The following ZEB2 variants were observed in gnomAD, a reference collection of about 807,000 sequenced individuals.
ZEB2 encodes zinc finger E-box binding homeobox 2, also known as zinc finger E-box-binding homeobox 2.
A neutral mutation model predicts 99.9 loss-of-function variants in ZEB2; 6 were observed. The observed-to-expected ratio is 0.06, with a 90% CI of 0.03 to 0.12. The LOEUF (loss-of-function observed/expected upper bound fraction) is 0.12, where lower values mean the gene tolerates loss of function less well. Ranked by LOEUF, ZEB2 falls within the 10% of genes least tolerant of loss-of-function variation. The pLI is 1.00. For missense variants in ZEB2, 969 were observed against 1,502.8 expected, an observed-to-expected ratio of 0.64 and a Z score of 5.87; for synonymous variants, 517 against 542.5, an observed-to-expected ratio of 0.95 and a Z score of 0.65.
Position 144,510,321 on chromosome 2 carries a change from C to A in ZEB2, c.73+6957G>T, listed in dbSNP as rs1226069231. On this transcript the variant is annotated intron_variant, in intron 2 of 9. Transcript: ENST00000627532. ...GTGAGGACCCGTCACTGAAACCAGA[C>A]CAGGGGCCCAGTCTCCAGCTCGCCC... Among the ~76,000 whole-genome samples the A allele has an allele frequency of 2.0e-5, 3 of 152,240 alleles. No individual in the cohort carries two copies. The East Asian group carries it at 5.8e-4, about 29-fold the overall frequency.
chr2:144,488,670 A>T (rs370718197), intron 2 of ZEB2, among the ~76,000 whole-genome samples: 18 of 148,130 alleles, frequency 1.2e-4, no homozygotes, highest in African/African-American at 4.0e-4. Flanking sequence ...CTCGTGTGTG[A>T]GTGTGTGTGT....
In ZEB2 at chr2:144,511,468, A is replaced by G. The variant is rs990465509; in HGVS notation, c.73+5810T>C. 1.5e-5 allele frequency: 19 copies of G among 1,270,224 alleles called. No homozygotes were observed. The African/African-American group carries it at 2.8e-4, about 19-fold the overall frequency. 78.7% of individuals were successfully genotyped at this position (1,270,224 alleles called of 1,614,324 possible). A position where few individuals can be genotyped will look rare whatever the true frequency, so the allele number is the denominator to read the frequency against. On this transcript the variant is annotated intron_variant, in intron 2 of 9. Coordinates refer to ENST00000627532, the MANE Select transcript of ZEB2 (RefSeq NM_014795.4). ...GATTTCACTCTGACATGACTGTCAC[A>G]CAAGATAAAAGTATTTGGCACATAG...
chr2:144,448,071 TAGGTATTATTATAATTATTAGC>T (rs551649935), intron 2 of ZEB2, among the ~76,000 whole-genome samples: 1 of 152,330 alleles, frequency 6.6e-6, no homozygotes, highest in South Asian at 2.1e-4. Context: ...TAATAAATGC[TAGGTATTATTATAATTATTAGC>T]CAAGTCTAGG....
intron 1 of ZEB2, chr2:144,517,891 G>A: frequency 4.4e-6 from 2 of 456,540 alleles, no homozygotes; most frequent in Non-Finnish European, 7.8e-6. Flanking sequence ...GCCCCTGGAT[G>A]AAGCACACTC....
chr2:144,455,213 C>T (rs1704105160), intron 2 of ZEB2: 1 of 152,186 alleles, frequency 6.6e-6, no homozygotes, highest in Admixed American at 6.5e-5. Flanking sequence ...CTAACCTCTG[C>T]ACTTGGATTG....
At chr2:144,465,915 C>T (rs1307864824) in intron 2 of ZEB2, among the ~76,000 whole-genome samples, 2 of 152,154 alleles carry the variant, frequency 1.3e-5, no homozygotes, top group Non-Finnish European at 1.5e-5. Flanking sequence ...GATAATTTCT[C>T]GCTCATCCTC....
At chr2:144,431,999 G>GAA (rs80124435) in intron 2 of ZEB2, among the ~76,000 whole-genome samples, 56 of 112,752 alleles carry the variant, frequency 5.0e-4, no homozygotes, top group African/African-American at 1.2e-3. Context: ...CTTTATCCTG[G>GAA]AAAAAAAAAA....
In ZEB2 at chr2:144,429,939, T is replaced by C. The variant is rs1280380229; in HGVS notation, c.161A>G (p.Asn54Ser). The change falls in exon 3 of 10, where the codon AAC becomes AGC. Residue 54 changes from asparagine to serine, a missense_variant. Transcript: ENST00000627532. The stretch of plus-strand genomic sequence containing the variant: ...TGGACTCGTCTCCTGGTCCAGAGGG[T>C]TGGCAATACCGTCATCCTCAGCAAT... ...LHIAEDDGIANPLDQETSPAS... is the reference protein window; with the variant it reads ...LHIAEDDGIASPLDQETSPAS... 3 of 1,613,802 alleles carry C rather than the reference T, an allele frequency of 1.9e-6. No individual in the cohort carries two copies. The highest frequency in any genetic ancestry group is 2.2e-5 in the East Asian group (1 of 44,844).
chr2:144,420,912 G>C (rs149559750), intron 4 of ZEB2, among the ~76,000 whole-genome samples: 1 of 152,164 alleles, frequency 6.6e-6, no homozygotes, highest in South Asian at 2.1e-4. Flanking sequence ...CGTCCTGTAG[G>C]TGCTAAGGGG....
Position 144,497,925 on chromosome 2 carries a change from A to G in ZEB2, c.73+19353T>C, listed in dbSNP as rs546257544. On this transcript the variant is annotated intron_variant, in intron 2 of 9. Transcript: ENST00000627532. ...TCTCAACATATATATTATATATTAT[A>G]TAATATATATTAATATTATATATTA... 5.4e-4 allele frequency among the ~76,000 whole-genome samples: 34 copies of G among 62,880 alleles called. 6 individuals are homozygous for G. Among genetic ancestry groups the G allele is most frequent in the African/African-American group, 2.4e-3 (33 of 13,810 alleles). The allele number at this position is 62,880 out of a possible 152,430, so 41.3% of individuals were successfully genotyped here.
intron 2 of ZEB2, 67 bp downstream of exon 2, chr2:144,517,211 C>G (rs1242366654): frequency 1.3e-6 from 2 of 1,599,726 alleles, no homozygotes; most frequent in Non-Finnish European, 1.7e-6. Context: ...TTCCCTTTCC[C>G]CCTCCTTCTC....
chr2:144,389,967 G>A lies in ZEB2; in HGVS notation c.3129C>T (p.Ile1043=), dbSNP rs757607208. 3 of 1,607,278 alleles carry A rather than the reference G, an allele frequency of 1.9e-6. No individual in the cohort carries two copies. The highest frequency in any genetic ancestry group is 2.5e-6 in the Non-Finnish European group (3 of 1,179,994). ...KKAFKHKHHL[I]EHSRLHSGEK... is the part of the protein sequence containing the mutation. ...CGCCCGAGTGAAGCCTTGAGTGCTC[G>A]ATAAGGTGGTGCTTGTGTTTAAACG... is the stretch of plus-strand genomic sequence containing the variant. Residue 1043 remains isoleucine (I), a synonymous_variant, in exon 10 of 10, where the codon ATC becomes ATT. Coordinates refer to ENST00000627532, the MANE Select transcript of ZEB2 (RefSeq NM_014795.4). The surrounding 1 kb of genome is among the most constrained non-coding windows in gnomAD (Gnocchi z 6.8).
intron 1 of ZEB2, 197 bp from the exon 2 acceptor site, chr2:144,517,616 T>C (rs533595036): frequency 3.7e-6 from 2 of 533,772 alleles, no homozygotes; most frequent in Middle Eastern, 7.9e-4. Context: ...TGTTACTGTT[T>C]GGTGTGTTGC....
intron 2 of ZEB2, among the ~76,000 whole-genome samples, chr2:144,468,910 C>T (rs1704312278): frequency 6.6e-6 from 1 of 152,096 alleles, no homozygotes; most frequent in Non-Finnish European, 1.5e-5. Context: ...CTTAGTTCCT[C>T]CTTGTACATA....
intron 2 of ZEB2, among the ~76,000 whole-genome samples, chr2:144,460,070 G>T (rs1322679748): frequency 2.0e-5 from 3 of 152,120 alleles, no homozygotes; most frequent in Non-Finnish European, 4.4e-5. Flanking sequence ...AAACCCAAAG[G>T]TCACATCCTG....
At chr2:144,459,882 T>C (rs1704168636) in intron 2 of ZEB2, among the ~76,000 whole-genome samples, 1 of 152,266 alleles carries the variant, frequency 6.6e-6, no homozygotes, top group East Asian at 1.9e-4. Flanking sequence ...CATTCTCTCA[T>C]AGAGGAAAAC....
At chr2:144,516,956 G>A (rs552412214) in intron 2 of ZEB2, among the ~76,000 whole-genome samples, 3 of 151,102 alleles carry the variant, frequency 2.0e-5, no homozygotes, top group African/African-American at 4.8e-5. Context: ...GGGCGCGAGC[G>A]GAGCGGGAGG....
intron 6 of ZEB2, among the ~76,000 whole-genome samples, chr2:144,402,471 T>G (rs985102906): frequency 6.6e-6 from 1 of 152,182 alleles, no homozygotes; most frequent in African/African-American, 2.4e-5. Flanking sequence ...CATATGTTGC[T>G]GAGTTGCATA....
intron 4 of ZEB2, among the ~76,000 whole-genome samples, chr2:144,418,522 T>C (rs2149886191): frequency 6.6e-6 from 1 of 152,110 alleles, no homozygotes; most frequent in Middle Eastern, 3.4e-3. Context: ...ACCCCATCTC[T>C]ACTAAAAGTA....
Sources: gnomAD v4.1 joint callset for allele counts (sites outside exome capture counted in the v4.1 genomes callset) on GRCh38, gnomAD v4.1.1 for gene constraint, Gnocchi (gnomAD v3.1) non-coding constraint, MANE v1.5 for transcripts, NCBI Gene and HGNC (gene_info 2026-07-23, HGNC 2026-07-21) for gene names.